The following CHRNA6 variants were observed in gnomAD, a reference collection of about 807,000 sequenced individuals.
The protein encoded by CHRNA6 is cholinergic receptor nicotinic alpha 6 subunit, also known as neuronal acetylcholine receptor subunit alpha-6.
In CHRNA6, 31 loss-of-function variants were observed where a neutral mutation model predicts 40.9. That is an observed-to-expected ratio of 0.76 (90% CI 0.57 to 1.02). CHRNA6 has a LOEUF of 1.02. CHRNA6 is among the 50% of genes least tolerant of loss of function. CHRNA6 has a pLI of 0.00. For missense variants in CHRNA6, 546 were observed against 596.6 expected (o/e 0.92, Z 0.88); for synonymous variants, 222 against 221.3 (o/e 1.00, Z -0.03).
Position 42,759,277 on chromosome 8 carries a change from C to T in CHRNA6, c.220-164G>A, listed in dbSNP as rs1405037905. 2.7e-5 allele frequency: 16 copies of T among 601,810 alleles called. No homozygotes were observed. In the South Asian group the frequency reaches 2.7e-4, roughly 10 times the overall value. 37.3% of individuals were successfully genotyped at this position (601,810 alleles called of 1,614,324 possible). On this transcript the variant is annotated intron_variant, in intron 2 of 5. Coordinates refer to ENST00000276410, the MANE Select transcript of CHRNA6 (RefSeq NM_004198.3). ...GCATTCAGCATGCAAGCAGAAATGCCGCATTTTCACATCTGGCTCCAGCCC... is the reference window on the plus strand; with the variant it reads ...GCATTCAGCATGCAAGCAGAAATGCTGCATTTTCACATCTGGCTCCAGCCC...
At chr8:42,759,668 C>T (rs1256551201) in intron 2 of CHRNA6, among the ~76,000 whole-genome samples, 1 of 152,168 alleles carries the variant, frequency 6.6e-6, no homozygotes, top group African/African-American at 2.4e-5. Context: ...GAGGCCGAGG[C>T]GGGTGGATCA....
chr8:42,756,349 C>A lies in CHRNA6; in HGVS notation c.850G>T (p.Val284Leu), dbSNP rs1374160038. 1 of 1,614,214 alleles carries A rather than the reference C, an allele frequency of 6.2e-7. No homozygotes were observed. The highest frequency in any genetic ancestry group is 1.1e-5 in the South Asian group (1 of 91,076). The change falls in exon 5 of 6, where the codon GTG becomes TTG. Residue 284 changes from valine (V) to leucine (L), a missense_variant. By Grantham distance (32) the Val-to-Leu change is conservative. Coordinates refer to ENST00000276410, the MANE Select transcript of CHRNA6 (RefSeq NM_004198.3). ...GTTTCTGTGATGACCAGCAAAAACA[C>A]AGTCAGAGAAAGCAGGACTGAAATA... ...LCISVLLSLT[V>L]FLLVITETIP...
chr8:42,757,526 C>A (rs1816822814), intron 3 of CHRNA6, among the ~76,000 whole-genome samples: 1 of 147,860 alleles, frequency 6.8e-6, no homozygotes. Context: ...AGATTGAGAC[C>A]ATCCTGGCTA....
intron 5 of CHRNA6, among the ~76,000 whole-genome samples, chr8:42,755,041 C>CTT (rs561445145): frequency 0.16 from 21,552 of 138,702 alleles, 3,187 homozygotes; most frequent in African/African-American, 0.37. Context: ...TGTGCAGGGG[C>CTT]TTTTTTTTTT....
At chr8:42,756,853 A>T in intron 4 of CHRNA6, 29 bp from the exon 5 acceptor site, 4 of 1,608,812 alleles carry the variant, frequency 2.5e-6, no homozygotes, top group Non-Finnish European at 3.4e-6. Context: ...ACCATTAGTA[A>T]CACTCCCTTT....
chr8:42,756,134 C>A lies in CHRNA6; in HGVS notation c.1065G>T (p.Met355Ile). Residue 355 changes from methionine (M) to isoleucine (I), a missense_variant, in exon 5 of 6, where the codon ATG becomes ATT. This residue lies in a region of CHRNA6 where 476 missense variants were observed against 494.5 expected (regional missense o/e 0.96). Transcript: ENST00000276410. ...CCCTTGTCTTGTCCAGAGGCCACCT[C>A]ATCAGCAGGACCTGGGGCAGCAGCT... is the stretch of plus-strand genomic sequence containing the variant. Reference protein sequence around the residue: ...FLKLLPQVLLMRWPLDKTRGT... With the variant: ...FLKLLPQVLLIRWPLDKTRGT... 5 of 1,614,272 alleles carry A rather than the reference C, an allele frequency of 3.1e-6. No individual in the cohort carries two copies. The highest frequency in any genetic ancestry group is 4.2e-6 in the Non-Finnish European group (5 of 1,180,042).
At chr8:42,757,989 C>G (rs1816834837) in intron 3 of CHRNA6, among the ~76,000 whole-genome samples, 1 of 151,600 alleles carries the variant, frequency 6.6e-6, no homozygotes, top group African/African-American at 2.4e-5. Flanking sequence ...GAGCCGAGAT[C>G]GCGCCACTGG....
rs547737946 is a variant in CHRNA6 at position 42,754,759 on chromosome 8, T to C, written c.1353+1087A>G. Among the ~76,000 whole-genome samples, 74 of 152,272 alleles carry C rather than the reference T, an allele frequency of 4.9e-4. 3 individuals carry two copies. Among genetic ancestry groups the C allele is most frequent in the Non-Finnish European group, 8.8e-5 (6 of 68,026 alleles). On this transcript the variant is annotated intron_variant, in intron 5 of 5. Transcript: ENST00000276410. ...ATTGGCATGATTCTCTTGAGCTCTGTCTTTGGAAGCTGAGGGAGGTACATG... is the reference window on the plus strand; with the variant it reads ...ATTGGCATGATTCTCTTGAGCTCTGCCTTTGGAAGCTGAGGGAGGTACATG...
intron 1 of CHRNA6, among the ~76,000 whole-genome samples, chr8:42,766,898 T>C (rs977283316): frequency 1.3e-5 from 2 of 152,188 alleles, no homozygotes; most frequent in African/African-American, 4.8e-5. Context: ...AAAACAAAAA[T>C]CAACTTTGAA....
intron 2 of CHRNA6, among the ~76,000 whole-genome samples, chr8:42,761,544 C>T (rs1339360367): frequency 3.3e-5 from 5 of 152,258 alleles, no homozygotes; most frequent in Non-Finnish European, 7.3e-5. Flanking sequence ...ATAGCCAACT[C>T]CACAGCCTCA....
chr8:42,757,244 T>C (rs1261310660), intron 3 of CHRNA6, among the ~76,000 whole-genome samples: 1 of 151,966 alleles, frequency 6.6e-6, no homozygotes, highest in East Asian at 1.9e-4. Flanking sequence ...CCAGCGCCTG[T>C]AGTCCCAACT....
intron 2 of CHRNA6, among the ~76,000 whole-genome samples, chr8:42,760,308 A>G (rs962887424): frequency 1.4e-5 from 2 of 144,900 alleles, no homozygotes; most frequent in Non-Finnish European, 3.0e-5. Flanking sequence ...CGGTACTCTC[A>G]TACACACTCA....
At chr8:42,763,826 T>C (rs543686104) in intron 2 of CHRNA6, among the ~76,000 whole-genome samples, 1 of 152,186 alleles carries the variant, frequency 6.6e-6, no homozygotes, top group East Asian at 1.9e-4. Flanking sequence ...TGGACCAGGG[T>C]TGGCTTCATC....
chr8:42,753,293 T>C lies in CHRNA6; in HGVS notation c.1371A>G (p.Lys457=), dbSNP rs761856913. 2 of 1,604,356 alleles carry C rather than the reference T, an allele frequency of 1.2e-6. No homozygotes were observed. The highest frequency in any genetic ancestry group is 1.7e-6 in the Non-Finnish European group (2 of 1,178,126). The change falls in exon 6 of 6, where the codon AAA becomes AAG. Residue 457 remains lysine, a synonymous_variant. Coordinates refer to ENST00000276410, the MANE Select transcript of CHRNA6 (RefSeq NM_004198.3). ...NETKEVEDDW[K]YVAMVVDRVF... is the part of the protein sequence containing the mutation. ...CTCTGTCCACCACCATGGCCACGTA[T>C]TTCCAGTCATCTTCTACCTGAAATG...
chr8:42,759,624 G>A (rs765872827), intron 2 of CHRNA6, among the ~76,000 whole-genome samples: 2 of 152,082 alleles, frequency 1.3e-5, no homozygotes, highest in African/African-American at 4.8e-5. Flanking sequence ...CCAGCTGGGC[G>A]CGGTGGCTCA....
Position 42,752,893 on chromosome 8 carries a change from C to T in CHRNA6, c.*286G>A, listed in dbSNP as rs1433639631. ...AGGCTGTATTGTAAGTCATTCTTGT[C>T]TTTAGAAGCCAAACACACAGACACG... On this transcript the variant is annotated 3_prime_UTR_variant, in exon 6 of 6. Transcript: ENST00000276410. The T allele has an allele frequency of 7.6e-6, 2 of 263,974 alleles. No individual in the cohort carries two copies. The highest frequency in any genetic ancestry group is 4.5e-5 in the African/African-American group (2 of 44,072). The allele number at this position is 263,974 out of a possible 1,614,324, so 16.4% of individuals were successfully genotyped here.
chr8:42,760,074 C>T (rs148794092), intron 2 of CHRNA6, among the ~76,000 whole-genome samples: 1 of 152,266 alleles, frequency 6.6e-6, no homozygotes, highest in African/African-American at 2.4e-5. Flanking sequence ...AAAGGTCCTG[C>T]CTTCATGTGT....
intron 2 of CHRNA6, 119 bp downstream of exon 2, chr8:42,764,946 G>T: frequency 9.2e-7 from 1 of 1,091,980 alleles, no homozygotes; most frequent in Non-Finnish European, 1.3e-6. Flanking sequence ...CCAAATGGAT[G>T]GCTTTGAAGG....
chr8:42,753,062 A>T lies in CHRNA6; in HGVS notation c.*117T>A. The T allele has an allele frequency of 1.1e-6, 1 of 889,438 alleles. No individual in the cohort carries two copies. The highest frequency in any genetic ancestry group is 1.7e-6 in the Non-Finnish European group (1 of 581,728). The allele number at this position is 889,438 out of a possible 1,614,324, so 55.1% of individuals were successfully genotyped here. A position where few individuals can be genotyped will look rare whatever the true frequency, so the allele number is the denominator to read the frequency against. On this transcript the variant is annotated 3_prime_UTR_variant, in exon 6 of 6. Transcript: ENST00000276410. ...GAAAGTCCTCTTTTTCCATGTAGCC[A>T]TCAGTTTTAGCAGATGGGGGACTTG...
Sources: gnomAD v4.1 joint callset for allele counts (sites outside exome capture counted in the v4.1 genomes callset) on GRCh38, gnomAD v4.1.1 for gene constraint, gnomAD v4.1.1 regional missense constraint, MANE v1.5 for transcripts, NCBI Gene and HGNC (gene_info 2026-07-23, HGNC 2026-07-21) for gene names.